KDM2B: variants seen among roughly 807,000 people sequenced by gnomAD.
KDM2B encodes lysine demethylase 2B.
In KDM2B, 26 loss-of-function variants were observed where a neutral mutation model predicts 150.0. That is an observed-to-expected ratio of 0.17 (90% CI 0.13 to 0.24). The LOEUF is 0.24. KDM2B is among the 10% of genes least tolerant of loss of function. KDM2B has a pLI of 1.00. For missense variants in KDM2B, 1,265 were observed against 1,816.9 expected (o/e 0.70, Z 5.52); for synonymous variants, 734 against 729.5 (o/e 1.01, Z -0.10).
At chr12:121,534,465 T>C (rs782109033) in intron 7 of KDM2B, 32 bp downstream of exon 7, 1 of 1,505,942 alleles carries the variant, frequency 6.6e-7, no homozygotes, top group South Asian at 1.1e-5. Flanking sequence ...CAGCTAGAGA[T>C]GCATAGAAAG....
chr12:121,443,900 C>T (rs1309172957), intron 16 of KDM2B, 107 bp from the exon 17 acceptor site: 21 of 1,448,076 alleles, frequency 1.5e-5, no homozygotes, highest in Middle Eastern at 4.2e-4. Flanking sequence ...AGCAAGAGGC[C>T]GGGATTATCC....
chr12:121,562,421 T>C (rs1890410498), intron 4 of KDM2B, among the ~76,000 whole-genome samples: 2 of 151,990 alleles, frequency 1.3e-5, no homozygotes, highest in South Asian at 4.1e-4. Flanking sequence ...GAGGCGGAAG[T>C]TGCAGTGAGC....
the KDM2B span, chr12:121,420,435 TG>T: frequency 3.9e-6 from 6 of 1,550,930 alleles, no homozygotes; most frequent in Non-Finnish European, 5.2e-6. Context: ...ATGTTTCTTC[TG>T]GTTTGAATGT....
In KDM2B at chr12:121,548,833, G is replaced by C. The variant is rs782804703; in HGVS notation, c.683+44C>G. The C allele has an allele frequency of 4.7e-6, 7 of 1,500,766 alleles. No individual in the cohort carries two copies. The African/African-American group carries it at 8.3e-5, about 18-fold the overall frequency. 93.0% of individuals were successfully genotyped at this position (1,500,766 alleles called of 1,614,324 possible). ...CCACCTCCCCACCTCCCCAAGCCTG[G>C]GGGTCAACCCTGCCAGCTCTGGCCA... is the stretch of plus-strand genomic sequence containing the variant. On this transcript the variant is annotated intron_variant, in intron 6 of 22. Coordinates refer to ENST00000377071, the MANE Select transcript of KDM2B (RefSeq NM_032590.5).
chr12:121,565,784 C>T (rs938911519), intron 4 of KDM2B, among the ~76,000 whole-genome samples: 2 of 152,138 alleles, frequency 1.3e-5, no homozygotes, highest in South Asian at 2.1e-4. Context: ...TGCCACCACA[C>T]CCGGCTTATT....
chr12:121,563,643 G>C (rs1161146472), intron 4 of KDM2B, among the ~76,000 whole-genome samples: 2 of 151,184 alleles, frequency 1.3e-5, no homozygotes, highest in Non-Finnish European at 2.9e-5. Context: ...AAAAGGCCAG[G>C]CACAGTGGCT....
intron 11 of KDM2B, among the ~76,000 whole-genome samples, chr12:121,502,492 A>C (rs1428467656): frequency 6.6e-6 from 1 of 152,022 alleles, no homozygotes; most frequent in Non-Finnish European, 1.5e-5. Context: ...GTGGTGGCGC[A>C]TGCCTGTAAT....
rs370428564 is a variant in KDM2B, at chr12:121,461,767, C to T, written c.1735-8423G>A. Among the ~76,000 whole-genome samples the T allele has an allele frequency of 1.2e-4, 19 of 152,214 alleles. No homozygotes were observed. In the East Asian group the frequency reaches 2.1e-3, roughly 17 times the overall value. On this transcript the variant is annotated intron_variant, in intron 12 of 22. Coordinates refer to ENST00000377071, the MANE Select transcript of KDM2B (RefSeq NM_032590.5). ...AGAGCTAAGGTACACACCTGGGAAC[C>T]GACACTGCATAGGTGCTCAAACTAG...
At chr12:121,443,502 T>C in intron 17 of KDM2B, 178 bp downstream of exon 17, 3 of 614,382 alleles carry the variant, frequency 4.9e-6, no homozygotes, top group Non-Finnish European at 5.8e-6. Flanking sequence ...ACAGAGGCTC[T>C]AGGCACAGAC....
chr12:121,540,002 AG>A (rs1213204778), intron 6 of KDM2B, among the ~76,000 whole-genome samples: 2 of 152,110 alleles, frequency 1.3e-5, no homozygotes, highest in Non-Finnish European at 2.9e-5. Flanking sequence ...GACCTCCTAA[AG>A]TGCTGAGATC....
chr12:121,426,298 T>C (rs1555284229), downstream of KDM2B, among the ~76,000 whole-genome samples: 1 of 152,196 alleles, frequency 6.6e-6, no homozygotes, highest in Non-Finnish European at 1.5e-5. Flanking sequence ...GAAGTAACCC[T>C]GGTTTATTAG....
rs140061258 is a variant in KDM2B, at chr12:121,510,265, T to G, written c.1175-226A>C. ...GCACCCACATGGGTTGCCCCGCCTC[T>G]CTGAACACTGGCACTTTATTTATTT... On this transcript the variant is annotated intron_variant, in intron 10 of 22. Coordinates refer to ENST00000377071, the MANE Select transcript of KDM2B (RefSeq NM_032590.5). Among the ~76,000 whole-genome samples, 763 of 152,314 alleles carry G rather than the reference T, an allele frequency of 5.0e-3. 22 individuals are homozygous for G. Among genetic ancestry groups the G allele is most frequent in the Admixed American group, 0.044 (676 of 15,294 alleles).
chr12:121,580,366 G>C (rs1366459692), intron 1 of KDM2B: 2 of 1,106,646 alleles, frequency 1.8e-6, no homozygotes, highest in African/African-American at 1.7e-5. Context: ...GCTTGGGGGG[G>C]TGGGGGCGGC....
In KDM2B at chr12:121,580,969, G is replaced by C. The variant is rs1891934541; in HGVS notation, c.-58C>G. ...ATTAGCTCGGCTTCCATACCTATAA[G>C]GACTGCCTAACTTTTAAACTCCCGG... On this transcript the variant is annotated 5_prime_UTR_variant, in exon 1 of 23. Transcript: ENST00000377071. The C allele has an allele frequency of 1.3e-6, 2 of 1,584,508 alleles. No individual in the cohort carries two copies. Among genetic ancestry groups the C allele is most frequent in the South Asian group, 2.3e-5 (2 of 86,424 alleles).
At chr12:121,567,254 TTG>T (rs1396770347) in intron 4 of KDM2B, among the ~76,000 whole-genome samples, 4 of 152,194 alleles carry the variant, frequency 2.6e-5, no homozygotes, top group African/African-American at 9.7e-5. Context: ...ATAGTCTGAA[TTG>T]TGTCTACCTA....
chr12:121,580,876 A>G lies in KDM2B; in HGVS notation c.36T>C (p.Asp12=). ...AGPQMGGSAE[D]HPPRKRHAAE... Reference sequence around the variant, plus strand: ...CTGCATGTCTTTTTCGTGGGGGGTGATCCTCTGCAGATCCCCCCATTTGCG... The same window carrying G: ...CTGCATGTCTTTTTCGTGGGGGGTGGTCCTCTGCAGATCCCCCCATTTGCG... The change falls in exon 1 of 23, where the codon GAT becomes GAC. Residue 12 remains aspartate (D), a synonymous_variant. Coordinates refer to ENST00000377071, the MANE Select transcript of KDM2B (RefSeq NM_032590.5). 1 of 1,613,900 alleles carries G rather than the reference A, an allele frequency of 6.2e-7. No homozygotes were observed. The highest frequency in any genetic ancestry group is 8.5e-7 in the Non-Finnish European group (1 of 1,179,962).
In KDM2B at chr12:121,533,109, ACT is replaced by A. The variant is rs1566386029; in HGVS notation, c.778-152_778-151del. The A allele has an allele frequency of 1.3e-6, 1 of 744,856 alleles. No individual in the cohort carries two copies. Among genetic ancestry groups the A allele is most frequent in the South Asian group, 1.8e-5 (1 of 55,360 alleles). 46.1% of individuals were successfully genotyped at this position (744,856 alleles called of 1,614,324 possible). ...AGAGATGGCAGATCCATCCCTCTGG[ACT>A]CTCTGCAAGGCCAGGTCCCTAGAGC... On this transcript the variant is annotated intron_variant, in intron 7 of 22. Coordinates refer to ENST00000377071, the MANE Select transcript of KDM2B (RefSeq NM_032590.5). The surrounding 1 kb of genome is among the most constrained non-coding windows in gnomAD (Gnocchi z 4.1).
chr12:121,432,285 A>G (rs567116518), intron 22 of KDM2B, among the ~76,000 whole-genome samples: 24 of 152,344 alleles, frequency 1.6e-4, no homozygotes, highest in African/African-American at 5.3e-4. Context: ...GCAAAATCCA[A>G]TGATGAAGGA....
At chr12:121,545,123 T>G (rs1888925577) in intron 6 of KDM2B, among the ~76,000 whole-genome samples, 1 of 152,136 alleles carries the variant, frequency 6.6e-6, no homozygotes, top group Non-Finnish European at 1.5e-5. Context: ...TTAATTAAAT[T>G]CTACAGAACT....
Sources: gnomAD v4.1 joint callset for allele counts (sites outside exome capture counted in the v4.1 genomes callset) on GRCh38, gnomAD v4.1.1 for gene constraint, Gnocchi (gnomAD v3.1) non-coding constraint, MANE v1.5 for transcripts, NCBI Gene and HGNC (gene_info 2026-07-23, HGNC 2026-07-21) for gene names.